The following RNF8 variants were observed in gnomAD, a reference collection of about 807,000 sequenced individuals.
The protein encoded by RNF8 is E3 ubiquitin-protein ligase RNF8.
Under a neutral mutation model 59.3 loss-of-function variants are expected in RNF8, and 8 were observed. That is an observed-to-expected ratio of 0.13 (90% confidence interval 0.08 to 0.24). The LOEUF is 0.24. RNF8 is among the 10% of genes least tolerant of loss of function. RNF8 has a pLI of 1.00. For missense variants in RNF8, 406 were observed against 572.6 expected, an observed-to-expected ratio of 0.71 and a Z score of 2.97; for synonymous variants, 162 against 200.0, an observed-to-expected ratio of 0.81 and a Z score of 1.60.
intron 3 of RNF8, 31 bp downstream of exon 3, chr6:37,369,249 T>C (rs1271854153): frequency 6.4e-7 from 1 of 1,557,072 alleles, no homozygotes; most frequent in East Asian, 2.3e-5. Context: ...GCAAGAGTGG[T>C]CTTCAGGGGT....
intron 6 of RNF8, among the ~76,000 whole-genome samples, chr6:37,377,656 C>T (rs983511060): frequency 1.3e-5 from 2 of 152,226 alleles, no homozygotes; most frequent in African/African-American, 4.8e-5. Flanking sequence ...GAAAACAGGG[C>T]CAAATTAGAT....
At chr6:37,376,879 A>G (rs1770039625) in intron 5 of RNF8, 47 bp from the exon 6 acceptor site, 1 of 1,379,114 alleles carries the variant, frequency 7.3e-7, no homozygotes, top group Non-Finnish European at 1.0e-6. Context: ...CCCATTTTGC[A>G]TTTTTGTTGG....
rs763163144 is a variant in RNF8 at position 37,374,647 on chromosome 6, C to T, written c.1066C>T (p.Arg356Cys). 6 of 1,613,870 alleles carry T rather than the reference C, an allele frequency of 3.7e-6. No homozygotes were observed. The highest frequency in any genetic ancestry group is 1.3e-5 in the African/African-American group (1 of 74,888). ...EHWALMEELN[R>C]SKKDFEAIIQ... is the part of the protein sequence containing the mutation. The stretch of plus-strand genomic sequence containing the variant: ...TTGGGCTCTAATGGAAGAGCTAAAT[C>T]GCAGCAAGAAGGACTTTGAAGCAAT... The change falls in exon 5 of 8, where the codon CGC becomes TGC. Residue 356 changes from arginine (R) to cysteine (C), a missense_variant. Transcript: ENST00000373479.
intron 2 of RNF8, among the ~76,000 whole-genome samples, chr6:37,367,547 G>A (rs964151897): frequency 3.9e-5 from 6 of 152,110 alleles, no homozygotes; most frequent in Admixed American, 1.3e-4. Flanking sequence ...GGGATTACAG[G>A]CACCCACCAC....
chr6:37,362,098 A>G (rs981292190), intron 2 of RNF8, among the ~76,000 whole-genome samples: 2 of 152,222 alleles, frequency 1.3e-5, no homozygotes, highest in African/African-American at 4.8e-5. Context: ...AGCCTCTGTA[A>G]TAGCGTATAT....
In RNF8 at chr6:37,392,386, A is replaced by G. The variant is rs1396299882; in HGVS notation, c.*1628A>G. 1 of 398,428 alleles carries G rather than the reference A, an allele frequency of 2.5e-6. No homozygotes were observed. The highest frequency in any genetic ancestry group is 3.6e-5 in the East Asian group (1 of 28,078). The allele number at this position is 398,428 out of a possible 1,614,324, so 24.7% of individuals were successfully genotyped here. ...CTTTTTGAGTAGGCAATATGTTCAC[A>G]TAGTTTGAAATTAAAGGTACAAAAT... On this transcript the variant is annotated 3_prime_UTR_variant, in exon 8 of 8. Coordinates refer to ENST00000373479, the MANE Select transcript of RNF8 (RefSeq NM_003958.4).
At chr6:37,376,366 A>G (rs1770019571) in intron 5 of RNF8, among the ~76,000 whole-genome samples, 1 of 152,214 alleles carries the variant, frequency 6.6e-6, no homozygotes, top group Non-Finnish European at 1.5e-5. Context: ...TCAGGCTACT[A>G]CAAAAAAGAC....
intron 5 of RNF8, among the ~76,000 whole-genome samples, chr6:37,375,693 G>A (rs1189192245): frequency 6.6e-6 from 1 of 152,214 alleles, no homozygotes; most frequent in Non-Finnish European, 1.5e-5. Context: ...ACTATGGTTA[G>A]AAATGGGTCC....
intron 2 of RNF8, among the ~76,000 whole-genome samples, chr6:37,364,160 C>G (rs1347378617): frequency 9.4e-6 from 1 of 106,776 alleles, no homozygotes; most frequent in Non-Finnish European, 1.7e-5. Context: ...GCCTGGGGGA[C>G]AGAGCGAGAC....
chr6:37,362,881 A>G (rs949754591), intron 2 of RNF8, among the ~76,000 whole-genome samples: 8 of 152,234 alleles, frequency 5.3e-5, no homozygotes, highest in African/African-American at 1.9e-4. Context: ...TAAAATATAG[A>G]AAAAAACCTT....
chr6:37,386,193 A>G (rs1581699295), intron 7 of RNF8, among the ~76,000 whole-genome samples: 1 of 147,016 alleles, frequency 6.8e-6, no homozygotes, highest in African/African-American at 2.4e-5. Flanking sequence ...TTGAAATGAC[A>G]AGGGCATCAT....
chr6:37,371,337 C>T (rs774212898), intron 3 of RNF8, among the ~76,000 whole-genome samples, 175 bp from the exon 4 acceptor site: 11 of 152,126 alleles, frequency 7.2e-5, no homozygotes, highest in Non-Finnish European at 1.0e-4. Flanking sequence ...CAGATAACTG[C>T]TCAAATTCTT....
chr6:37,380,855 G>A (rs1263452731), intron 6 of RNF8, among the ~76,000 whole-genome samples: 1 of 151,820 alleles, frequency 6.6e-6, no homozygotes. Flanking sequence ...GCTAATATTC[G>A]TATTTTTAGT....
chr6:37,360,619 A>C lies in RNF8; in HGVS notation c.240+45A>C. 1 of 1,526,780 alleles carries C rather than the reference A, an allele frequency of 6.5e-7. No homozygotes were observed. The highest frequency in any genetic ancestry group is 8.8e-7 in the Non-Finnish European group (1 of 1,137,912). 94.6% of individuals were successfully genotyped at this position (1,526,780 alleles called of 1,614,324 possible). A position where few individuals can be genotyped will look rare whatever the true frequency, so the allele number is the denominator to read the frequency against. ...CCTAATGACTTTTATTTGTTTTTAAATTACTTTTTTTTTTTTTTGCATAGG... is the reference window on the plus strand; with the variant it reads ...CCTAATGACTTTTATTTGTTTTTAACTTACTTTTTTTTTTTTTTGCATAGG... On this transcript the variant is annotated intron_variant, in intron 2 of 7. Transcript: ENST00000373479. This position sits in a 1 kb window ranked among gnomAD's most constrained non-coding sequence, Gnocchi z 4.2.
Position 37,392,313 on chromosome 6 carries a change from G to A in RNF8, c.*1555G>A, listed in dbSNP as rs780753344. 5.0e-6 allele frequency: 2 copies of A among 397,124 alleles called. No homozygotes were observed. The highest frequency in any genetic ancestry group is 8.9e-6 in the Non-Finnish European group (2 of 225,736). 24.6% of individuals were successfully genotyped at this position (397,124 alleles called of 1,614,324 possible). A position where few individuals can be genotyped will look rare whatever the true frequency, so the allele number is the denominator to read the frequency against. On this transcript the variant is annotated 3_prime_UTR_variant, in exon 8 of 8. Coordinates refer to ENST00000373479, the MANE Select transcript of RNF8 (RefSeq NM_003958.4). ...ATATGTCAATTTTTATATGTTCTGT[G>A]TTTAGTTTACATATTGTAATTCATT...
At chr6:37,378,226 G>A (rs924389199) in intron 6 of RNF8, among the ~76,000 whole-genome samples, 1 of 151,772 alleles carries the variant, frequency 6.6e-6, no homozygotes, top group Admixed American at 6.6e-5. Flanking sequence ...TTTGGGAGGC[G>A]GAGGCTACAG....
chr6:37,371,435 C>T (rs1250062054), intron 3 of RNF8, 77 bp from the exon 4 acceptor site: 4 of 1,249,364 alleles, frequency 3.2e-6, no homozygotes, highest in East Asian at 2.4e-5. Context: ...AGCTGGTCTG[C>T]TCTGCTTGTT....
chr6:37,378,600 C>CAAAA (rs554259061), intron 6 of RNF8, among the ~76,000 whole-genome samples: 4 of 56,528 alleles, frequency 7.1e-5, no homozygotes, highest in South Asian at 6.8e-4. Flanking sequence ...GACTCCGTCT[C>CAAAA]AAAAAAAAAA....
In RNF8 at chr6:37,393,663, T is replaced by G. The variant is rs916912621; in HGVS notation, c.*2905T>G. The G allele has an allele frequency of 6.6e-6, 1 of 152,244 alleles. No homozygotes were observed. Among genetic ancestry groups the G allele is most frequent in the Admixed American group, 6.5e-5 (1 of 15,282 alleles). The allele number at this position is 152,244 out of a possible 1,614,324, so 9.4% of individuals were successfully genotyped here. On this transcript the variant is annotated 3_prime_UTR_variant, in exon 8 of 8. Transcript: ENST00000373479. The stretch of plus-strand genomic sequence containing the variant: ...GAATGGCAGGTGTCCCATATCTGGT[T>G]ATGTTAACCTAGAAAGGGCTCACTC...
Sources: allele counts gnomAD v4.1 joint callset (sites outside exome capture counted in the v4.1 genomes callset), GRCh38; gene constraint gnomAD v4.1.1; non-coding constraint Gnocchi (gnomAD v3.1); transcripts MANE v1.5; gene names NCBI Gene and HGNC (gene_info 2026-07-23, HGNC 2026-07-21).